Variants in RAB30 observed in about 807,000 individuals in gnomAD.
RAB30 encodes the protein ras-related protein Rab-30.
Under a neutral mutation model 25.1 loss-of-function variants are expected in RAB30, and 9 were observed. The ratio of observed to expected loss-of-function variants is 0.36; its 90% confidence interval spans 0.22 to 0.63. RAB30 has a LOEUF of 0.63. RAB30 is among the 20% of genes least tolerant of loss of function. RAB30 has a pLI of 0.69. For synonymous variants in RAB30, 77 were observed against 86.4 expected, an observed-to-expected ratio of 0.89 and a Z score of 0.60; for missense variants, 140 against 243.5, an observed-to-expected ratio of 0.58 and a Z score of 2.83.
intron 1 of RAB30, among the ~76,000 whole-genome samples, chr11:83,052,931 C>T (rs879800555): frequency 5.3e-5 from 8 of 152,240 alleles, no homozygotes; most frequent in Admixed American, 5.2e-4. Flanking sequence ...CAGTGAGGTG[C>T]AAGGCAATAT....
At chr11:83,019,750 T>G (rs762022498) in intron 1 of RAB30, among the ~76,000 whole-genome samples, 1 of 152,232 alleles carries the variant, frequency 6.6e-6, no homozygotes, top group Admixed American at 6.5e-5. Context: ...GTACTTTTTT[T>G]CAGTACGAAA....
chr11:82,997,104 C>T (rs1856975433), intron 2 of RAB30, 120 bp downstream of exon 2: 3 of 801,538 alleles, frequency 3.7e-6, no homozygotes, highest in South Asian at 1.6e-5. Context: ...GCATCAGGAA[C>T]TCACAGCTAA....
intron 1 of RAB30, among the ~76,000 whole-genome samples, chr11:83,056,843 A>C (rs2121519634): frequency 6.6e-6 from 1 of 152,372 alleles, no homozygotes; most frequent in South Asian, 2.1e-4. Flanking sequence ...TCAACTAAAA[A>C]AAAGTTTGCC....
chr11:83,041,893 T>C (rs547427938), intron 1 of RAB30, among the ~76,000 whole-genome samples: 1 of 151,728 alleles, frequency 6.6e-6, no homozygotes, highest in South Asian at 2.1e-4. Context: ...AATACAAAAA[T>C]TAGACAGGTG....
chr11:83,064,982 T>A (rs1858662783), intron 1 of RAB30, among the ~76,000 whole-genome samples: 1 of 152,204 alleles, frequency 6.6e-6, no homozygotes, highest in African/African-American at 2.4e-5. Flanking sequence ...TCGTCCCTCA[T>A]ACCTTCCATT....
At chr11:83,001,806 C>T (rs542278329) in intron 1 of RAB30, among the ~76,000 whole-genome samples, 7 of 152,258 alleles carry the variant, frequency 4.6e-5, no homozygotes, top group African/African-American at 1.7e-4. Flanking sequence ...CATGCCTCAT[C>T]TAGGGAGTAG....
At chr11:83,024,828 C>T (rs1408907194) in intron 1 of RAB30, among the ~76,000 whole-genome samples, 2 of 152,204 alleles carry the variant, frequency 1.3e-5, no homozygotes, top group East Asian at 1.9e-4. Context: ...CAGTAACAAG[C>T]GTGAAGTAAA....
chr11:82,991,063 C>T (rs1164449960), intron 3 of RAB30, among the ~76,000 whole-genome samples: 1 of 152,120 alleles, frequency 6.6e-6, no homozygotes, highest in East Asian at 1.9e-4. Context: ...GAGAGTGGTC[C>T]TGCCACTCAC....
chr11:83,055,425 C>T (rs1858437624), intron 1 of RAB30, among the ~76,000 whole-genome samples: 1 of 152,218 alleles, frequency 6.6e-6, no homozygotes, highest in Non-Finnish European at 1.5e-5. Flanking sequence ...ATGTCTATAA[C>T]TTTGCTCACT....
chr11:83,037,045 C>T (rs555186042), intron 1 of RAB30, among the ~76,000 whole-genome samples: 3 of 152,082 alleles, frequency 2.0e-5, no homozygotes, highest in African/African-American at 4.8e-5. Flanking sequence ...ATTCTGGTTG[C>T]TGTGTGGAGA....
intron 1 of RAB30, among the ~76,000 whole-genome samples, chr11:83,061,901 A>G (rs999909844): frequency 6.6e-6 from 1 of 151,884 alleles, no homozygotes; most frequent in Non-Finnish European, 1.5e-5. Flanking sequence ...ATTAAGTTGG[A>G]AAAAGAATCA....
intron 3 of RAB30, among the ~76,000 whole-genome samples, chr11:82,992,080 G>A (rs1350992430): frequency 6.6e-6 from 1 of 152,048 alleles, no homozygotes; most frequent in Non-Finnish European, 1.5e-5. Context: ...TATATGAATG[G>A]AAAACCCAAA....
At chr11:83,049,007 A>C (rs1858294524) in intron 1 of RAB30, among the ~76,000 whole-genome samples, 1 of 152,252 alleles carries the variant, frequency 6.6e-6, no homozygotes, top group African/African-American at 2.4e-5. Flanking sequence ...GAAACTTTTT[A>C]AAGTAGGTAG....
At position 82,987,728 on chromosome 11, in the gene RAB30, T is replaced by C; in HGVS notation, c.220A>G (p.Ile74Val). Residue 74 changes from isoleucine (I) to valine (V), a missense_variant, in exon 4 of 5, where the codon ATT becomes GTT. By Grantham distance (29) the Ile-to-Val change is conservative (BLOSUM62 3). Transcript: ENST00000527633. ...DTAGQERFRS[I>V]TQSYYRSANA... Reference sequence around the variant, plus strand: ...GCGCTTCGGTAGTAACTCTGGGTAATGGACCGAAATCTCTCTTGACCTGCT... The same window carrying C: ...GCGCTTCGGTAGTAACTCTGGGTAACGGACCGAAATCTCTCTTGACCTGCT... 2 of 1,612,862 alleles carry C rather than the reference T, an allele frequency of 1.2e-6. No individual in the cohort carries two copies. Among genetic ancestry groups the C allele is most frequent in the South Asian group, 1.1e-5 (1 of 90,990 alleles).
At chr11:83,015,019 A>G (rs1002885238) in intron 1 of RAB30, among the ~76,000 whole-genome samples, 12 of 152,190 alleles carry the variant, frequency 7.9e-5, no homozygotes, top group African/African-American at 2.9e-4. Context: ...GTCAACAAGA[A>G]GAGAACTGGG....
rs1856546681 is a variant in RAB30, at chr11:82,976,443, C to G, written c.*5722G>C. On this transcript the variant is annotated 3_prime_UTR_variant, in exon 5 of 5. Transcript: ENST00000527633. ...TGTGGCATACTAGAACTCCTCACAC[C>G]TAAACTAGTGTTTCCCCTTCTATAT... 1 of 152,156 alleles carries G rather than the reference C, an allele frequency of 6.6e-6. No individual in the cohort carries two copies. Among genetic ancestry groups the G allele is most frequent in the South Asian group, 2.1e-4 (1 of 4,822 alleles). 9.4% of individuals were successfully genotyped at this position (152,156 alleles called of 1,614,324 possible).
chr11:83,001,909 C>A (rs1437643843), intron 1 of RAB30, among the ~76,000 whole-genome samples: 1 of 152,160 alleles, frequency 6.6e-6, no homozygotes, highest in Non-Finnish European at 1.5e-5. Context: ...TTATTCAGTG[C>A]TTTTTATGTC....
At chr11:83,051,844 C>G (rs1042243549) in intron 1 of RAB30, among the ~76,000 whole-genome samples, 1 of 152,210 alleles carries the variant, frequency 6.6e-6, no homozygotes, top group African/African-American at 2.4e-5. Flanking sequence ...ATAGCCAGCT[C>G]TGCTGTCCCA....
chr11:83,034,835 AG>A (rs1333406810), intron 1 of RAB30: 1 of 152,132 alleles, frequency 6.6e-6, no homozygotes, highest in African/African-American at 2.4e-5. Context: ...AACTTGTCCA[AG>A]GAACACAGTT....
Sources: gnomAD v4.1 joint callset for allele counts (sites outside exome capture counted in the v4.1 genomes callset) on GRCh38, gnomAD v4.1.1 for gene constraint, MANE v1.5 for transcripts, NCBI Gene and HGNC (gene_info 2026-07-23, HGNC 2026-07-21) for gene names.